AR: variants seen among roughly 807,000 people sequenced by gnomAD.
AR encodes dihydrotestosterone receptor.
AR carries 8 observed loss-of-function variants against 53.9 expected under a neutral mutation model. The observed-to-expected ratio is 0.15, with a 90% confidence interval of 0.09 to 0.27. The LOEUF is 0.27. Ranked by LOEUF, AR falls within the 10% of genes least tolerant of loss-of-function variation. The pLI is 1.00. For synonymous variants in AR, 359 were observed against 316.4 expected (o/e 1.13, Z -1.43); for missense variants, 639 against 742.5 (o/e 0.86, Z 1.62).
chrX:67,707,575 G>C (rs1047965987), intron 3 of AR, among the ~76,000 whole-genome samples: 2 of 111,311 alleles, frequency 1.8e-5, no homozygotes, highest in African/African-American at 3.3e-5. Context: ...CACACTGATG[G>C]GTCTTGACTC....
chrX:67,684,709 G>A lies in AR; in HGVS notation c.1769-1301G>A, dbSNP rs1182196499. On this transcript the variant is annotated intron_variant, in intron 2 of 7. Coordinates refer to ENST00000374690, the MANE Select transcript of AR (RefSeq NM_000044.6). ...AACTAATCTTATGTTCTTGCAAGTA[G>A]CACTTTAAGTAAAAGAAGTTCTTTG... is the stretch of plus-strand genomic sequence containing the variant. Among the ~76,000 whole-genome samples the A allele has an allele frequency of 1.3e-4, 15 of 111,939 alleles. No individual in the cohort carries two copies. In the East Asian group the frequency reaches 4.2e-3, roughly 32 times the overall value.
intron 3 of AR, chrX:67,694,754 G>A (rs753752854): frequency 2.0e-5 from 23 of 1,149,742 alleles, no homozygotes; most frequent in Non-Finnish European, 2.4e-5. Flanking sequence ...TCAAAATGAG[G>A]GCTCTAGAGG....
chrX:67,717,702 A>T (rs2147531482), intron 5 of AR, 80 bp downstream of exon 5: 1 of 1,152,359 alleles, frequency 8.7e-7, no homozygotes, highest in Non-Finnish European at 1.2e-6. Flanking sequence ...TGATGGGGTG[A>T]CAGTGAAGCT....
intron 3 of AR, among the ~76,000 whole-genome samples, chrX:67,698,353 G>A (rs2076029427): frequency 8.9e-6 from 1 of 112,457 alleles, no homozygotes; most frequent in South Asian, 3.7e-4. Context: ...CTTCCCCAGA[G>A]CCAGAATTCA....
chrX:67,556,297 C>CT (rs1409579819), intron 1 of AR, among the ~76,000 whole-genome samples: 1 of 111,781 alleles, frequency 8.9e-6, no homozygotes, highest in Non-Finnish European at 1.9e-5. Flanking sequence ...GTGTTCCCTG[C>CT]TTTTATCTCA....
chrX:67,666,512 C>T (rs761588201), intron 2 of AR, among the ~76,000 whole-genome samples: 1 of 111,867 alleles, frequency 8.9e-6, no homozygotes, highest in South Asian at 3.8e-4. Flanking sequence ...AATAGTGCTG[C>T]AATAAACGTG....
At chrX:67,604,388 T>A (rs1923529909) in intron 1 of AR, among the ~76,000 whole-genome samples, 2 of 110,475 alleles carry the variant, frequency 1.8e-5, no homozygotes, top group Non-Finnish European at 3.8e-5. Context: ...TTCCACAAAT[T>A]AATGTTCCTC....
intron 1 of AR, among the ~76,000 whole-genome samples, chrX:67,642,738 T>G (rs1463390171): frequency 8.9e-6 from 1 of 111,952 alleles, no homozygotes; most frequent in Non-Finnish European, 1.9e-5. Context: ...TTATCTGATT[T>G]ATATTACCAC....
chrX:67,667,636 G>T (rs1254409488), intron 2 of AR, among the ~76,000 whole-genome samples: 3 of 111,365 alleles, frequency 2.7e-5, no homozygotes, highest in Non-Finnish European at 5.7e-5. Flanking sequence ...CGTTGAATCT[G>T]TAGATAGCTT....
intron 1 of AR, among the ~76,000 whole-genome samples, chrX:67,564,312 T>C (rs1921462533): frequency 9.0e-6 from 1 of 111,028 alleles, no homozygotes; most frequent in African/African-American, 3.3e-5. Flanking sequence ...TCTGTTTGGC[T>C]TTCTCCCATG....
chrX:67,595,908 G>T (rs1273228686), intron 1 of AR, among the ~76,000 whole-genome samples: 1 of 111,734 alleles, frequency 8.9e-6, no homozygotes, highest in Non-Finnish European at 1.9e-5. Flanking sequence ...TAGTTTGGAT[G>T]TGTGTCCCTG....
chrX:67,679,093 T>TAATC (rs922505807), intron 2 of AR, among the ~76,000 whole-genome samples: 27 of 111,519 alleles, frequency 2.4e-4, no homozygotes, highest in Admixed American at 6.7e-4. Context: ...TTGCTTGATT[T>TAATC]AATCTTTCTA....
intron 4 of AR, 55 bp from the exon 5 acceptor site, chrX:67,717,417 CAGACTT>C: frequency 5.0e-6 from 6 of 1,197,303 alleles, no homozygotes; most frequent in Non-Finnish European, 6.8e-6. Context: ...AACAGGGACT[CAGACTT>C]AGCTCAACCC....
chrX:67,557,680 A>C (rs1921117902), intron 1 of AR, among the ~76,000 whole-genome samples: 1 of 111,826 alleles, frequency 8.9e-6, no homozygotes, highest in African/African-American at 3.3e-5. Context: ...GCACAAACCC[A>C]GTTCTCTTGA....
intron 3 of AR, among the ~76,000 whole-genome samples, chrX:67,692,960 A>T (rs773259527): frequency 3.7e-4 from 42 of 112,554 alleles, no homozygotes; most frequent in Non-Finnish European, 6.8e-4. Context: ...GGAGGGGAAA[A>T]GCTTTATGTC....
At chrX:67,656,322 G>A (rs901765947) in intron 2 of AR, among the ~76,000 whole-genome samples, 2 of 111,211 alleles carry the variant, frequency 1.8e-5, no homozygotes, top group Non-Finnish European at 3.8e-5. Context: ...GTCAGTTGCA[G>A]CTTTAGCACT....
intron 2 of AR, among the ~76,000 whole-genome samples, chrX:67,649,603 G>T (rs777631886): frequency 1.8e-5 from 2 of 112,480 alleles, no homozygotes; most frequent in South Asian, 7.4e-4. Context: ...CTGTGGTTTT[G>T]ATTTGCATTT....
chrX:67,677,725 C>G (rs1313023463), intron 2 of AR, among the ~76,000 whole-genome samples: 1 of 111,237 alleles, frequency 9.0e-6, no homozygotes, highest in Non-Finnish European at 1.9e-5. Flanking sequence ...AGTTTTGGTT[C>G]CATCTCTGTT....
intron 3 of AR, among the ~76,000 whole-genome samples, chrX:67,693,851 T>C (rs916831927): frequency 1.8e-5 from 2 of 112,276 alleles, no homozygotes; most frequent in African/African-American, 6.5e-5. Context: ...AGAAATATAT[T>C]TTCCCTTGCT....
Sources: gnomAD v4.1 joint callset for allele counts (sites outside exome capture counted in the v4.1 genomes callset) on GRCh38, gnomAD v4.1.1 for gene constraint, MANE v1.5 for transcripts, NCBI Gene and HGNC (gene_info 2026-07-23, HGNC 2026-07-21) for gene names.